The following LSM8 variants were observed in gnomAD, a reference collection of about 807,000 sequenced individuals.
LSM8 encodes LSM8 homolog, U6 small nuclear RNA associated.
In LSM8, 14 loss-of-function variants were observed where a neutral mutation model predicts 15.0. The ratio of observed to expected loss-of-function variants is 0.93; its 90% CI spans 0.62 to 1.46. The LOEUF is 1.46. Ranked by LOEUF, LSM8 falls within the 40% of genes most tolerant of loss-of-function variation. LSM8 has a pLI of 0.00. For synonymous variants in LSM8, 50 were observed against 42.1 expected (o/e 1.19, Z -0.73); for missense variants, 90 against 115.4 (o/e 0.78, Z 1.01).
At chr7:118,184,821 GT>G (rs1808857631) in intron 1 of LSM8, 3 of 152,204 alleles carry the variant, frequency 2.0e-5, no homozygotes, top group Non-Finnish European at 2.9e-5. Context: ...CTTTACAAGT[GT>G]TACCGTTTTA....
At chr7:118,187,811 T>C (rs547183673) in intron 2 of LSM8, among the ~76,000 whole-genome samples, 1 of 152,254 alleles carries the variant, frequency 6.6e-6, no homozygotes, top group East Asian at 1.9e-4. Flanking sequence ...GTTGAGAAAA[T>C]GTGTACAGTG....
rs374234142 is a variant in LSM8, at chr7:118,200,656, CTT to C, written c.*8655_*8656del. Reference sequence around the variant, plus strand: ...ACAAGCAAACTGTCATACTTGTTGACTTATATTTCATTCCATGGAATTCAAAT... The same window carrying C: ...ACAAGCAAACTGTCATACTTGTTGACATATTTCATTCCATGGAATTCAAAT... On this transcript the variant is annotated 3_prime_UTR_variant, in exon 4 of 4. Transcript: ENST00000249299. 3.6e-4 allele frequency among the ~76,000 whole-genome samples: 55 copies of C among 152,160 alleles called. No homozygotes were observed. In the East Asian group the frequency reaches 8.5e-3, roughly 23 times the overall value.
intron 2 of LSM8, among the ~76,000 whole-genome samples, chr7:118,186,877 A>T (rs1808897591): frequency 6.6e-6 from 1 of 151,300 alleles, no homozygotes; most frequent in South Asian, 2.1e-4. Context: ...GTTAATAGAT[A>T]TTTGCATTTT....
chr7:118,187,632 A>G (rs1312168759), intron 2 of LSM8, among the ~76,000 whole-genome samples: 1 of 152,232 alleles, frequency 6.6e-6, no homozygotes, highest in East Asian at 1.9e-4. Flanking sequence ...TGTGTATAAT[A>G]GTATAGAATG....
In LSM8 at chr7:118,196,700, TTTTATTTATTTATTTA is replaced by T. The variant is rs200053888; in HGVS notation, c.*4730_*4745del. On this transcript the variant is annotated 3_prime_UTR_variant, in exon 4 of 4. Transcript: ENST00000249299. Reference sequence around the variant, plus strand: ...TTTCTTTTTTTTTAAGTCCTTTAATTTTTATTTATTTATTTATTTATTTATTTATTTATTTATTTAT... The same window carrying T: ...TTTCTTTTTTTTTAAGTCCTTTAATTTTTATTTATTTATTTATTTATTTAT... 9.1e-3 allele frequency among the ~76,000 whole-genome samples: 1,184 copies of T among 129,792 alleles called. 12 individuals carry two copies. Among genetic ancestry groups the T allele is most frequent in the African/African-American group, 0.031 (1,080 of 35,316 alleles). 85.1% of individuals were successfully genotyped at this position (129,792 alleles called of 152,430 possible).
At chr7:118,189,481 G>A (rs1339433579) in intron 3 of LSM8, 1 of 152,166 alleles carries the variant, frequency 6.6e-6, no homozygotes, top group African/African-American at 2.4e-5. Context: ...CTGGGAGGTG[G>A]AAGTTGCAGT....
chr7:118,185,590 C>A (rs1311308204), intron 1 of LSM8, 64 bp from the exon 2 acceptor site: 41 of 1,378,376 alleles, frequency 3.0e-5, no homozygotes, highest in Non-Finnish European at 4.1e-5. Flanking sequence ...CAAATCATTC[C>A]CTTGCCAGAG....
At position 118,198,648 on chromosome 7, in the gene LSM8, A is replaced by G. The variant is rs1305370305; in HGVS notation, c.*6646A>G. ...CTAAGGATAGTAAGGATTTCCATAG[A>G]TGGTTAGGAAAACTTCAAATTGGCA... On this transcript the variant is annotated 3_prime_UTR_variant, in exon 4 of 4. Transcript: ENST00000249299. Among the ~76,000 whole-genome samples, 3 of 152,194 alleles carry G rather than the reference A, an allele frequency of 2.0e-5. No homozygotes were observed. Among genetic ancestry groups the G allele is most frequent in the Non-Finnish European group, 2.9e-5 (2 of 68,022 alleles).
rs550161178 is a variant in LSM8 at position 118,197,132 on chromosome 7, C to A, written c.*5130C>A. Among the ~76,000 whole-genome samples, 1 of 151,826 alleles carries A rather than the reference C, an allele frequency of 6.6e-6. No individual in the cohort carries two copies. The highest frequency in any genetic ancestry group is 2.4e-5 in the African/African-American group (1 of 41,316). On this transcript the variant is annotated 3_prime_UTR_variant, in exon 4 of 4. Coordinates refer to ENST00000249299, the MANE Select transcript of LSM8 (RefSeq NM_016200.5). ...TCAATGTCCCTACAAGGATATGATACGCTTTCTCTCTTCTCTTTAGGGTAA... is the reference window on the plus strand; with the variant it reads ...TCAATGTCCCTACAAGGATATGATAAGCTTTCTCTCTTCTCTTTAGGGTAA...
Position 118,194,415 on chromosome 7 carries a change from C to T in LSM8, c.*2413C>T, listed in dbSNP as rs1463279401. Among the ~76,000 whole-genome samples, 1 of 151,352 alleles carries T rather than the reference C, an allele frequency of 6.6e-6. No homozygotes were observed. The highest frequency in any genetic ancestry group is 6.6e-5 in the Admixed American group (1 of 15,186). On this transcript the variant is annotated 3_prime_UTR_variant, in exon 4 of 4. Transcript: ENST00000249299. The stretch of plus-strand genomic sequence containing the variant: ...TATCTAAACTAATAGTTTAAAATAA[C>T]ATTGCTTTTATGTCAAAGCACTTTG...
In LSM8 at chr7:118,202,658, GA is replaced by G. The variant is rs1809188826; in HGVS notation, c.*10657del. Among the ~76,000 whole-genome samples, 1 of 151,888 alleles carries G rather than the reference GA, an allele frequency of 6.6e-6. No homozygotes were observed. On this transcript the variant is annotated 3_prime_UTR_variant, in exon 4 of 4. Transcript: ENST00000249299. ...TAACTACAAGGGAGGCTAGGAAGGT[GA>G]GGGATTTTTTTCCTTTTATAGTGAC...
intron 3 of LSM8, chr7:118,191,091 G>C (rs1384730297): frequency 6.7e-6 from 1 of 149,056 alleles, no homozygotes; most frequent in Non-Finnish European, 1.5e-5. Context: ...TGCAACAAGA[G>C]CGAAACTCTA....
intron 3 of LSM8, 34 bp downstream of exon 3, chr7:118,188,439 A>AGGCCGGGCGCGGTGGC: frequency 6.3e-7 from 1 of 1,582,996 alleles, no homozygotes; most frequent in Non-Finnish European, 8.6e-7. Flanking sequence ...ATTATAAATG[A>AGGCCGGGCGCGGTGGC]TACTGCCTTA....
In LSM8 at chr7:118,194,236, C is replaced by T. The variant is rs908822430; in HGVS notation, c.*2234C>T. Among the ~76,000 whole-genome samples, 25 of 152,076 alleles carry T rather than the reference C, an allele frequency of 1.6e-4. No individual in the cohort carries two copies. The highest frequency in any genetic ancestry group is 3.9e-4 in the Admixed American group (6 of 15,254). ...TAAAGAGGCGCAAATCAATTTCAACCTGTAATTACCTCTGTGCTTTGTGAC... is the reference window on the plus strand; with the variant it reads ...TAAAGAGGCGCAAATCAATTTCAACTTGTAATTACCTCTGTGCTTTGTGAC... On this transcript the variant is annotated 3_prime_UTR_variant, in exon 4 of 4. Transcript: ENST00000249299.
intron 2 of LSM8, 103 bp from the exon 3 acceptor site, chr7:118,188,175 C>A (rs973686383): frequency 7.7e-7 from 1 of 1,303,918 alleles, no homozygotes; most frequent in African/African-American, 1.5e-5. Flanking sequence ...CGTATAGGTA[C>A]TTGTATTGGA....
chr7:118,187,264 G>A (rs1808903954), intron 2 of LSM8, among the ~76,000 whole-genome samples: 1 of 152,122 alleles, frequency 6.6e-6, no homozygotes, highest in Admixed American at 6.5e-5. Context: ...AAGAACTTGA[G>A]AGGTTTAACC....
In LSM8 at chr7:118,201,923, A is replaced by C. The variant is rs1809178752; in HGVS notation, c.*9921A>C. On this transcript the variant is annotated 3_prime_UTR_variant, in exon 4 of 4. Coordinates refer to ENST00000249299, the MANE Select transcript of LSM8 (RefSeq NM_016200.5). ...GTTCACAAGTAATCTTCCAGCACAA[A>C]TTTTATAAACAAATGCCCTGTGAAT... Among the ~76,000 whole-genome samples the C allele has an allele frequency of 6.6e-6, 1 of 152,148 alleles. No homozygotes were observed. The highest frequency in any genetic ancestry group is 2.4e-5 in the African/African-American group (1 of 41,534).
chr7:118,188,291 G>T lies in LSM8; in HGVS notation c.86G>T (p.Gly29Val). Residue 29 changes from glycine to valine, a missense_variant, in exon 3 of 4, where the codon GGT becomes GTT. Coordinates refer to ENST00000249299, the MANE Select transcript of LSM8 (RefSeq NM_016200.5). ...DGRMIVGTLKGFDQTINLILD... is the reference protein window; with the variant it reads ...DGRMIVGTLKVFDQTINLILD... Reference sequence around the variant, plus strand: ...TTTTCTTTACAGGGAACACTGAAAGGTTTTGACCAGACCATTAATTTGATT... The same window carrying T: ...TTTTCTTTACAGGGAACACTGAAAGTTTTTGACCAGACCATTAATTTGATT... The T allele has an allele frequency of 6.2e-7, 1 of 1,613,628 alleles. No homozygotes were observed. The highest frequency in any genetic ancestry group is 8.5e-7 in the Non-Finnish European group (1 of 1,179,598).
Position 118,196,649 on chromosome 7 carries a change from C to A in LSM8, c.*4647C>A, listed in dbSNP as rs1162919006. Among the ~76,000 whole-genome samples the A allele has an allele frequency of 1.4e-5, 2 of 147,282 alleles. No homozygotes were observed. Among genetic ancestry groups the A allele is most frequent in the African/African-American group, 5.0e-5 (2 of 40,186 alleles). On this transcript the variant is annotated 3_prime_UTR_variant, in exon 4 of 4. Coordinates refer to ENST00000249299, the MANE Select transcript of LSM8 (RefSeq NM_016200.5). ...TTTTTGTGTTAGTTTTTTGTTATGC[C>A]TTTTCATTTCCTTCTTTTTTTAATG...
Sources: gnomAD v4.1 joint callset for allele counts (sites outside exome capture counted in the v4.1 genomes callset) on GRCh38, gnomAD v4.1.1 for gene constraint, MANE v1.5 for transcripts, NCBI Gene and HGNC (gene_info 2026-07-23, HGNC 2026-07-21) for gene names.